The following DCC variants were observed in gnomAD, a reference collection of about 807,000 sequenced individuals.
The protein encoded by DCC is DCC netrin 1 receptor, also known as netrin receptor DCC.
DCC carries 58 observed loss-of-function variants against 172.5 expected under a neutral mutation model. That is an observed-to-expected ratio of 0.34 (90% CI 0.27 to 0.42). The LOEUF (loss-of-function observed/expected upper bound fraction) is 0.42, where lower values mean the gene tolerates loss of function less well. Among genes scored for constraint, DCC ranks in the 10% least tolerant of loss-of-function variants. The pLI is 1.00. For missense variants in DCC, 1,740 were observed against 1,791.0 expected (o/e 0.97, Z 0.51); for synonymous variants, 709 against 644.5 (o/e 1.10, Z -1.52).
intron 5 of DCC, among the ~76,000 whole-genome samples, chr18:52,985,882 C>A (rs1389614618): frequency 1.3e-5 from 2 of 152,062 alleles, no homozygotes; most frequent in Non-Finnish European, 2.9e-5. Context: ...AAACTCTGTT[C>A]TGGTTTTATA....
At position 52,488,069 on chromosome 18, in the gene DCC, C is replaced by T. The variant is rs546890772; in HGVS notation, c.91+147191C>T. ...TTCCCTTAATTCTTGGTCAGCAATACATCTGCATAGGTTTGGGAAGAAAAA... is the reference window on the plus strand; with the variant it reads ...TTCCCTTAATTCTTGGTCAGCAATATATCTGCATAGGTTTGGGAAGAAAAA... On this transcript the variant is annotated intron_variant, in intron 1 of 28. Coordinates refer to ENST00000442544, the MANE Select transcript of DCC (RefSeq NM_005215.4). Among the ~76,000 whole-genome samples the T allele has an allele frequency of 5.3e-5, 8 of 152,166 alleles. No homozygotes were observed. In the South Asian group the frequency reaches 1.5e-3, roughly 28 times the overall value.
chr18:52,706,175 C>G (rs950903830), intron 1 of DCC, among the ~76,000 whole-genome samples: 2 of 151,970 alleles, frequency 1.3e-5, no homozygotes, highest in Non-Finnish European at 2.9e-5. Context: ...AATAAGAATA[C>G]AAAGTGGATA....
At chr18:53,186,547 TA>T (rs2055284977) in intron 9 of DCC, among the ~76,000 whole-genome samples, 1 of 152,114 alleles carries the variant, frequency 6.6e-6, no homozygotes, top group African/African-American at 2.4e-5. Context: ...AGGGTAAAGA[TA>T]GAAAGGAATA....
intron 2 of DCC, among the ~76,000 whole-genome samples, chr18:52,753,078 A>G (rs1471001989): frequency 3.3e-5 from 5 of 152,106 alleles, no homozygotes; most frequent in East Asian, 1.9e-4. Context: ...TAATGCTGCA[A>G]TTAACATGGA....
At chr18:52,947,842 G>A (rs2040572943) in intron 5 of DCC, among the ~76,000 whole-genome samples, 1 of 152,092 alleles carries the variant, frequency 6.6e-6, no homozygotes, top group Non-Finnish European at 1.5e-5. Context: ...AATCTTAAAT[G>A]ATTCTTACTG....
chr18:52,666,988 A>G (rs572533596), intron 1 of DCC, among the ~76,000 whole-genome samples: 1 of 152,168 alleles, frequency 6.6e-6, no homozygotes, highest in Non-Finnish European at 1.5e-5. Context: ...TAAGAACGAA[A>G]TTGAATTCTG....
chr18:53,466,918 C>T (rs986715949), intron 24 of DCC, among the ~76,000 whole-genome samples: 3 of 152,254 alleles, frequency 2.0e-5, no homozygotes, highest in South Asian at 4.1e-4. Flanking sequence ...ATGACTTCAC[C>T]TATGTGGACT....
chr18:52,986,452 TC>T (rs1459030551), intron 5 of DCC, among the ~76,000 whole-genome samples: 2 of 152,082 alleles, frequency 1.3e-5, no homozygotes, highest in African/African-American at 4.8e-5. Flanking sequence ...AAAGAGTAGC[TC>T]CCACCTCCTA....
At chr18:53,199,131 A>G (rs145450377) in intron 9 of DCC, among the ~76,000 whole-genome samples, 1 of 148,624 alleles carries the variant, frequency 6.7e-6, no homozygotes, top group African/African-American at 2.5e-5. Context: ...GCTGGAGTGC[A>G]GCGGCACAAT....
chr18:52,778,167 T>C (rs557461296), intron 2 of DCC, among the ~76,000 whole-genome samples: 37 of 152,322 alleles, frequency 2.4e-4, no homozygotes, highest in Non-Finnish European at 4.6e-4. Flanking sequence ...AAATACACTA[T>C]GTAGAGACGT....
chr18:53,439,788 G>A (rs1308587810), intron 22 of DCC, among the ~76,000 whole-genome samples: 1 of 56,244 alleles, frequency 1.8e-5, no homozygotes, highest in Non-Finnish European at 6.7e-5. Flanking sequence ...TTTTTGAGAC[G>A]GAGTCTCGCT....
intron 2 of DCC, among the ~76,000 whole-genome samples, chr18:52,829,924 A>G (rs2038583043): frequency 6.6e-6 from 1 of 152,142 alleles, no homozygotes; most frequent in African/African-American, 2.4e-5. Flanking sequence ...ATTTCACTTT[A>G]AATATTGTGG....
At chr18:52,764,283 G>A (rs2037208767) in intron 2 of DCC, among the ~76,000 whole-genome samples, 1 of 152,198 alleles carries the variant, frequency 6.6e-6, no homozygotes, top group Non-Finnish European at 1.5e-5. Context: ...TTAATGAATA[G>A]CCATAGGCAT....
rs1037394235 is a variant in DCC, at chr18:53,106,506, C to A, written c.1261+40340C>A. Among the ~76,000 whole-genome samples, 3 of 151,958 alleles carry A rather than the reference C, an allele frequency of 2.0e-5. No homozygotes were observed. The East Asian group carries it at 5.9e-4, about 30-fold the overall frequency. On this transcript the variant is annotated intron_variant, in intron 7 of 28. Coordinates refer to ENST00000442544, the MANE Select transcript of DCC (RefSeq NM_005215.4). ...CTTGGATGTGTGTGTTATGGCTTGG[C>A]CACATGGTACTCAAGATGTAATAAG...
At chr18:52,565,236 A>G (rs2033131833) in intron 1 of DCC, among the ~76,000 whole-genome samples, 1 of 152,172 alleles carries the variant, frequency 6.6e-6, no homozygotes, top group African/African-American at 2.4e-5. Context: ...TATCCAGTCT[A>G]TCACTGATGG....
intron 1 of DCC, among the ~76,000 whole-genome samples, chr18:52,577,739 G>T (rs2033449321): frequency 6.6e-6 from 1 of 152,166 alleles, no homozygotes; most frequent in Non-Finnish European, 1.5e-5. Context: ...TTAGGCTTTA[G>T]AGAATCTTCC....
At chr18:52,587,640 C>A (rs1162550809) in intron 1 of DCC, among the ~76,000 whole-genome samples, 2 of 152,224 alleles carry the variant, frequency 1.3e-5, no homozygotes, top group Non-Finnish European at 2.9e-5. Flanking sequence ...TTCTTCCATG[C>A]AAAGTGCACA....
In DCC at chr18:53,197,358, T is replaced by C. The variant is rs575955576; in HGVS notation, c.1574-7858T>C. ...CTGAATTCAGGCTATGTGAATTATATATAGGTCATTACTGCAATGACAACA... is the reference window on the plus strand; with the variant it reads ...CTGAATTCAGGCTATGTGAATTATACATAGGTCATTACTGCAATGACAACA... On this transcript the variant is annotated intron_variant, in intron 9 of 28. Transcript: ENST00000442544. Among the ~76,000 whole-genome samples, 8 of 151,774 alleles carry C rather than the reference T, an allele frequency of 5.3e-5. 1 individual carries two copies. In the South Asian group the frequency reaches 1.7e-3, roughly 32 times the overall value.
intron 2 of DCC, among the ~76,000 whole-genome samples, chr18:52,830,599 C>T (rs977819761): frequency 3.3e-5 from 5 of 152,262 alleles, no homozygotes; most frequent in East Asian, 3.9e-4. Context: ...TATTACTAGA[C>T]TATCTGTAGC....
Sources: allele counts gnomAD v4.1 joint callset (sites outside exome capture counted in the v4.1 genomes callset), GRCh38; gene constraint gnomAD v4.1.1; transcripts MANE v1.5; gene names NCBI Gene and HGNC (gene_info 2026-07-23, HGNC 2026-07-21).